RPS6KC1: variants seen among roughly 807,000 people sequenced by gnomAD.
The protein encoded by RPS6KC1 is ribosomal protein S6 kinase C1, also known as inactive ribosomal protein S6 kinase delta-1.
RPS6KC1 carries 54 observed loss-of-function variants against 103.8 expected under a neutral mutation model. The ratio of observed to expected loss-of-function variants is 0.52; its 90% CI spans 0.42 to 0.65. The LOEUF (loss-of-function observed/expected upper bound fraction) is 0.65, where lower values mean the gene tolerates loss of function less well. Ranked by LOEUF, RPS6KC1 falls within the 30% of genes least tolerant of loss-of-function variation. The probability of loss-of-function intolerance (pLI) is 0.00; values close to 1 mark genes in which losing one functional copy is unlikely to be tolerated. For missense variants in RPS6KC1, 1,151 were observed against 1,253.8 expected (o/e 0.92, Z 1.24); for synonymous variants, 439 against 438.7 (o/e 1.00, Z -0.01).
At chr1:213,175,085 GAAA>G (rs1337540172) in intron 7 of RPS6KC1, among the ~76,000 whole-genome samples, 1 of 152,126 alleles carries the variant, frequency 6.6e-6, no homozygotes, top group Non-Finnish European at 1.5e-5. Context: ...GCTGCTTTTA[GAAA>G]AATTCACAAA....
the RPS6KC1 span, among the ~76,000 whole-genome samples, chr1:213,716,681 T>C: frequency 6.6e-6 from 1 of 152,186 alleles, no homozygotes; most frequent in African/African-American, 2.4e-5. Context: ...CATTCTATAT[T>C]TTACTATTTA....
the RPS6KC1 span, among the ~76,000 whole-genome samples, chr1:213,456,689 A>G: frequency 6.6e-6 from 1 of 152,240 alleles, no homozygotes; most frequent in African/African-American, 2.4e-5. Context: ...GCCTATTAAA[A>G]TGTTCTATAA....
chr1:213,308,456 G>T, the RPS6KC1 span, among the ~76,000 whole-genome samples: 2 of 151,912 alleles, frequency 1.3e-5, no homozygotes, highest in African/African-American at 4.8e-5. Context: ...CTAGGAACAG[G>T]TTATACAAAA....
chr1:213,472,977 A>G, the RPS6KC1 span, among the ~76,000 whole-genome samples: 1 of 152,244 alleles, frequency 6.6e-6, no homozygotes, highest in Non-Finnish European at 1.5e-5. Flanking sequence ...TCAGCATAGC[A>G]GTCCATGCTG....
At chr1:213,524,666 T>G in the RPS6KC1 span, among the ~76,000 whole-genome samples, 3 of 152,212 alleles carry the variant, frequency 2.0e-5, no homozygotes, top group African/African-American at 7.2e-5. Context: ...GACTCAGTCT[T>G]CTCATCTGTA....
chr1:213,802,783 G>T, the RPS6KC1 span, among the ~76,000 whole-genome samples: 6 of 152,148 alleles, frequency 3.9e-5, no homozygotes, highest in Non-Finnish European at 8.8e-5. Context: ...TTTGGCCTGT[G>T]TCTCCTGGGA....
chr1:213,232,175 G>T lies in RPS6KC1; in HGVS notation c.1145G>T (p.Arg382Leu). Residue 382 changes from arginine (R) to leucine (L), a missense_variant, in exon 10 of 15, where the codon CGC (arginine) becomes CTC (leucine). Physicochemically the swap from Arg to Leu is moderately radical, Grantham distance 102. This residue lies in a region of RPS6KC1 where 959 missense variants were observed against 1,006.3 expected (regional missense o/e 0.95). Transcript: ENST00000366960. ...YSRNRKTIIP[R>L]CVPNMVCLHK... ...AGGAACAGAAAGACCATCATCCCCC[G>T]CTGTGTGCCCAACATGGTGTGTCTG... The T allele has an allele frequency of 3.1e-6, 5 of 1,614,002 alleles. No homozygotes were observed. The highest frequency in any genetic ancestry group is 4.2e-6 in the Non-Finnish European group (5 of 1,179,912).
At chr1:213,605,297 G>A in the RPS6KC1 span, among the ~76,000 whole-genome samples, 1 of 152,148 alleles carries the variant, frequency 6.6e-6, no homozygotes, top group Admixed American at 6.5e-5. Context: ...TTCTTAAAAA[G>A]TCACAGTTTC....
At chr1:213,196,303 TCCTTAGC>T (rs1281334919) in intron 8 of RPS6KC1, among the ~76,000 whole-genome samples, 1 of 152,230 alleles carries the variant, frequency 6.6e-6, no homozygotes, top group Non-Finnish European at 1.5e-5. Context: ...TCTATTCATG[TCCTTAGC>T]CCACTTTTTG....
the RPS6KC1 span, among the ~76,000 whole-genome samples, chr1:213,592,707 A>T: frequency 6.6e-6 from 1 of 152,356 alleles, no homozygotes; most frequent in Middle Eastern, 3.4e-3. Flanking sequence ...ATGGGATTTT[A>T]TATTAATTAA....
intron 5 of RPS6KC1, chr1:213,125,910 A>G (rs2084938642): frequency 6.6e-6 from 1 of 152,068 alleles, no homozygotes; most frequent in Non-Finnish European, 1.5e-5. Context: ...AGTATACATA[A>G]CTTTGCCCGC....
At chr1:213,696,238 G>A in the RPS6KC1 span, among the ~76,000 whole-genome samples, 2 of 152,070 alleles carry the variant, frequency 1.3e-5, no homozygotes, top group Non-Finnish European at 2.9e-5. Context: ...GGTGGCTCAC[G>A]CCTGTAATTC....
At chr1:213,196,584 A>T (rs1012545098) in intron 8 of RPS6KC1, among the ~76,000 whole-genome samples, 1 of 151,976 alleles carries the variant, frequency 6.6e-6, no homozygotes, top group Non-Finnish European at 1.5e-5. Flanking sequence ...AGTTTTTCTG[A>T]TGTTATCTTC....
At chr1:213,432,523 T>A in the RPS6KC1 span, among the ~76,000 whole-genome samples, 46 of 152,300 alleles carry the variant, frequency 3.0e-4, 2 homozygotes, top group Middle Eastern at 6.8e-3. Context: ...CAGTTGGATG[T>A]TTTGACATAT....
chr1:213,685,443 C>T, the RPS6KC1 span, among the ~76,000 whole-genome samples: 1 of 152,082 alleles, frequency 6.6e-6, no homozygotes, highest in Non-Finnish European at 1.5e-5. Context: ...CCAGCCTAGC[C>T]AACATGGTGA....
chr1:213,219,890 G>A (rs1481306456), intron 8 of RPS6KC1, among the ~76,000 whole-genome samples: 1 of 151,842 alleles, frequency 6.6e-6, no homozygotes. Context: ...ATAGCATTAG[G>A]AGATATACCT....
At chr1:213,684,710 C>T in the RPS6KC1 span, among the ~76,000 whole-genome samples, 2 of 152,210 alleles carry the variant, frequency 1.3e-5, no homozygotes, top group Non-Finnish European at 2.9e-5. Flanking sequence ...GAGAAGAACA[C>T]GTGACCAGCC....
chr1:213,292,934 ACT>A, the RPS6KC1 span, among the ~76,000 whole-genome samples: 1 of 152,110 alleles, frequency 6.6e-6, no homozygotes, highest in Non-Finnish European at 1.5e-5. Flanking sequence ...TCTTTGAATC[ACT>A]CTGACATGGA....
At chr1:213,792,434 GTC>G in the RPS6KC1 span, among the ~76,000 whole-genome samples, 1 of 152,106 alleles carries the variant, frequency 6.6e-6, no homozygotes. Context: ...GTATAAGTAA[GTC>G]TGACAAAAAC....
Sources: allele counts gnomAD v4.1 joint callset (sites outside exome capture counted in the v4.1 genomes callset), GRCh38; gene constraint gnomAD v4.1.1; regional missense constraint gnomAD v4.1.1; transcripts MANE v1.5; gene names NCBI Gene and HGNC (gene_info 2026-07-23, HGNC 2026-07-21).